GRM8: variants seen among roughly 807,000 people sequenced by gnomAD.
GRM8 encodes the protein glutamate metabotropic receptor 8, also known as metabotropic glutamate receptor 8.
A neutral mutation model predicts 87.2 loss-of-function variants in GRM8; 47 were observed. The observed-to-expected ratio is 0.54, with a 90% CI of 0.43 to 0.69. The LOEUF is 0.69. GRM8 is among the 30% of genes least tolerant of loss of function. The probability of loss-of-function intolerance (pLI) is 0.00; values close to 1 mark genes in which losing one functional copy is unlikely to be tolerated. For missense variants in GRM8, 1,019 were observed against 1,139.2 expected, an observed-to-expected ratio of 0.89 and a Z score of 1.52; for synonymous variants, 396 against 404.5, an observed-to-expected ratio of 0.98 and a Z score of 0.25.
chr7:127,227,844 G>A (rs1797437377), intron 2 of GRM8, among the ~76,000 whole-genome samples: 1 of 152,178 alleles, frequency 6.6e-6, no homozygotes, highest in Non-Finnish European at 1.5e-5. Context: ...AAGATACATG[G>A]GGTCACAGGC....
chr7:126,725,580 G>A (rs868838599), intron 7 of GRM8, among the ~76,000 whole-genome samples: 4 of 152,118 alleles, frequency 2.6e-5, no homozygotes, highest in East Asian at 1.9e-4. Flanking sequence ...TTATGAGGCC[G>A]ACTTAACCAA....
chr7:126,549,681 C>T (rs1792364885), intron 8 of GRM8, among the ~76,000 whole-genome samples: 1 of 152,094 alleles, frequency 6.6e-6, no homozygotes, highest in Admixed American at 6.6e-5. Context: ...GTTTATTTTA[C>T]ATTTGAGGAC....
chr7:126,722,008 A>T lies in GRM8; in HGVS notation c.1357+47857T>A, dbSNP rs1448562891. On this transcript the variant is annotated intron_variant, in intron 7 of 10. Transcript: ENST00000339582. ...TTAAGCAGAGGGACATCAGGAGGTG[A>T]CTAATTTATATGCATGTTTCTAATA... 3.3e-5 allele frequency among the ~76,000 whole-genome samples: 5 copies of T among 152,256 alleles called. No homozygotes were observed. The East Asian group carries it at 9.6e-4, about 29-fold the overall frequency.
chr7:126,567,130 CA>C (rs1473295962), intron 8 of GRM8, among the ~76,000 whole-genome samples: 4 of 152,042 alleles, frequency 2.6e-5, no homozygotes, highest in Non-Finnish European at 5.9e-5. Context: ...TTTAAAGTTT[CA>C]ATTGAGCAAG....
At chr7:126,785,797 C>A (rs760518874) in intron 6 of GRM8, among the ~76,000 whole-genome samples, 1 of 151,996 alleles carries the variant, frequency 6.6e-6, no homozygotes, top group Non-Finnish European at 1.5e-5. Flanking sequence ...AAAGCAGTGC[C>A]GCTGCACCCT....
At chr7:126,656,924 AC>A (rs1359533510) in intron 7 of GRM8, among the ~76,000 whole-genome samples, 1 of 152,234 alleles carries the variant, frequency 6.6e-6, no homozygotes, top group Non-Finnish European at 1.5e-5. Context: ...GCAGGGTCTT[AC>A]CTCTGGCAAC....
At chr7:126,943,584 A>G (rs1807209258) in intron 3 of GRM8, among the ~76,000 whole-genome samples, 1 of 152,224 alleles carries the variant, frequency 6.6e-6, no homozygotes, top group Non-Finnish European at 1.5e-5. Flanking sequence ...TATCAAATCC[A>G]TTAAATCATT....
At chr7:126,994,646 G>C (rs1035740451) in intron 3 of GRM8, among the ~76,000 whole-genome samples, 2 of 152,132 alleles carry the variant, frequency 1.3e-5, no homozygotes, top group South Asian at 2.1e-4. Context: ...ACAGGGAAAG[G>C]CTTCTCTGCC....
intron 8 of GRM8, among the ~76,000 whole-genome samples, chr7:126,594,949 A>G (rs2151054661): frequency 6.6e-6 from 1 of 152,270 alleles, no homozygotes; most frequent in South Asian, 2.1e-4. Flanking sequence ...AGGTTTCTTC[A>G]TAACTATTTT....
At chr7:126,827,297 T>C (rs1794907867) in intron 6 of GRM8, among the ~76,000 whole-genome samples, 1 of 152,196 alleles carries the variant, frequency 6.6e-6, no homozygotes, top group African/African-American at 2.4e-5. Context: ...ATCTGTAAAT[T>C]ACCTTGGGCA....
At chr7:127,230,684 GC>G (rs1322288317) in intron 2 of GRM8, among the ~76,000 whole-genome samples, 1 of 152,156 alleles carries the variant, frequency 6.6e-6, no homozygotes, top group African/African-American at 2.4e-5. Context: ...ACAGGAGAGA[GC>G]TTTTCTTATC....
chr7:126,732,797 A>C (rs1214404280), intron 7 of GRM8, among the ~76,000 whole-genome samples: 2 of 152,126 alleles, frequency 1.3e-5, no homozygotes, highest in Admixed American at 6.6e-5. Flanking sequence ...CAAAATTTCA[A>C]GATATGGAAA....
intron 7 of GRM8, among the ~76,000 whole-genome samples, chr7:126,734,508 C>T (rs1813976082): frequency 6.6e-6 from 1 of 151,154 alleles, no homozygotes; most frequent in East Asian, 1.9e-4. Flanking sequence ...CATATTATTA[C>T]ATTTTAATAA....
chr7:127,035,890 T>A (rs984697520), intron 3 of GRM8, among the ~76,000 whole-genome samples: 1 of 152,178 alleles, frequency 6.6e-6, no homozygotes, highest in Non-Finnish European at 1.5e-5. Context: ...TAATTCCACA[T>A]GTCACGACTT....
chr7:126,926,283 C>A (rs1805109214), intron 3 of GRM8, among the ~76,000 whole-genome samples: 1 of 151,956 alleles, frequency 6.6e-6, no homozygotes, highest in Non-Finnish European at 1.5e-5. Flanking sequence ...AGTCTTTTAC[C>A]CATAGAGAAA....
Position 126,457,230 on chromosome 7 carries a change from G to A in GRM8, c.2431-10858C>T, listed in dbSNP as rs1026027414. Among the ~76,000 whole-genome samples the A allele has an allele frequency of 8.6e-5, 13 of 151,446 alleles. No individual in the cohort carries two copies. In the South Asian group the frequency reaches 2.7e-3, roughly 31 times the overall value. ...AAAAAAAATATCCACGGTGAAGGATGGAGACTATAAATATTTTTAAAATTC... is the reference window on the plus strand; with the variant it reads ...AAAAAAAATATCCACGGTGAAGGATAGAGACTATAAATATTTTTAAAATTC... On this transcript the variant is annotated intron_variant, in intron 9 of 10. Transcript: ENST00000339582.
chr7:127,232,212 T>A lies in GRM8; in HGVS notation c.510+10483A>T, dbSNP rs12535440. Reference sequence around the variant, plus strand: ...GTGTGTGTGTGTGTGTGTGTGTGTGTGAGAGAGAGAGAGAGAGAGAGAGAG... The same window carrying A: ...GTGTGTGTGTGTGTGTGTGTGTGTGAGAGAGAGAGAGAGAGAGAGAGAGAG... On this transcript the variant is annotated intron_variant, in intron 2 of 10. Coordinates refer to ENST00000339582, the MANE Select transcript of GRM8 (RefSeq NM_000845.3). Among the ~76,000 whole-genome samples the A allele has an allele frequency of 5.1e-3, 727 of 143,608 alleles. 2 individuals carry two copies. The highest frequency in any genetic ancestry group is 0.025 in the East Asian group (122 of 4,908). The allele number at this position is 143,608 out of a possible 152,430, so 94.2% of individuals were successfully genotyped here. A position where few individuals can be genotyped will look rare whatever the true frequency, so the allele number is the denominator to read the frequency against.
chr7:126,623,786 C>T (rs1046710587), intron 7 of GRM8, among the ~76,000 whole-genome samples: 1 of 152,146 alleles, frequency 6.6e-6, no homozygotes, highest in African/African-American at 2.4e-5. Flanking sequence ...ATAAACAAGG[C>T]CCATATCTAG....
At chr7:126,934,149 T>C (rs1806043956) in intron 3 of GRM8, among the ~76,000 whole-genome samples, 1 of 152,178 alleles carries the variant, frequency 6.6e-6, no homozygotes, top group African/African-American at 2.4e-5. Context: ...AGTTCTCAAC[T>C]GTGCTATCAA....
Sources: gnomAD v4.1 joint callset for allele counts (sites outside exome capture counted in the v4.1 genomes callset) on GRCh38, gnomAD v4.1.1 for gene constraint, MANE v1.5 for transcripts, NCBI Gene and HGNC (gene_info 2026-07-23, HGNC 2026-07-21) for gene names.